The following PCDHGA7 variants were observed in gnomAD, a reference collection of about 807,000 sequenced individuals.
PCDHGA7 encodes protocadherin gamma-A7.
A neutral mutation model predicts 58.3 loss-of-function variants in PCDHGA7; 44 were observed. That is an observed-to-expected ratio of 0.75 (90% confidence interval 0.59 to 0.97). The LOEUF (loss-of-function observed/expected upper bound fraction) is 0.97, where lower values mean the gene tolerates loss of function less well. PCDHGA7 is among the 50% of genes least tolerant of loss of function. The pLI, the probability that PCDHGA7 is intolerant of heterozygous loss-of-function variation, is 0.00. For missense variants in PCDHGA7, 1,266 were observed against 1,188.7 expected (o/e 1.06, Z -0.96); for synonymous variants, 516 against 504.2 (o/e 1.02, Z -0.31).
intron 1 of PCDHGA7, chr5:141,393,454 C>A: frequency 1.2e-6 from 2 of 1,614,046 alleles, no homozygotes; most frequent in South Asian, 1.1e-5. Context: ...GTCCTCACGG[C>A]CTCGGATGGC....
chr5:141,484,096 G>A (rs539388257), intron 1 of PCDHGA7, among the ~76,000 whole-genome samples: 1 of 152,126 alleles, frequency 6.6e-6, no homozygotes, highest in South Asian at 2.1e-4. Flanking sequence ...GTCTTCGTTG[G>A]TAATTAACAA....
chr5:141,427,611 G>A (rs747386422), intron 1 of PCDHGA7: 22 of 691,570 alleles, frequency 3.2e-5, no homozygotes, highest in Non-Finnish European at 5.5e-5. Context: ...CATTGGTGAA[G>A]TCAACGACAA....
Position 141,490,192 on chromosome 5 carries a change from A to C in PCDHGA7, c.2425-4615A>C. 1 of 1,614,182 alleles carries C rather than the reference A, an allele frequency of 6.2e-7. No homozygotes were observed. Among genetic ancestry groups the C allele is most frequent in the South Asian group, 1.1e-5 (1 of 91,082 alleles). On this transcript the variant is annotated intron_variant, in intron 1 of 3. Coordinates refer to ENST00000518325, the MANE Select transcript of PCDHGA7 (RefSeq NM_018920.4). The surrounding 1 kb of genome is among the most constrained non-coding windows in gnomAD (Gnocchi z 5.4). Reference sequence around the variant, plus strand: ...CTTTGAGGAGTCACGTTTCTATGAAATTCATGCAAGAGCCCGTGACCAGGG... The same window carrying C: ...CTTTGAGGAGTCACGTTTCTATGAACTTCATGCAAGAGCCCGTGACCAGGG...
chr5:141,492,880 T>C (rs1204475362), intron 1 of PCDHGA7, among the ~76,000 whole-genome samples: 2 of 152,184 alleles, frequency 1.3e-5, no homozygotes, highest in African/African-American at 4.8e-5. Context: ...CCCCCAGAGA[T>C]ACAGGCTTTT....
rs543038539 is a variant in PCDHGA7 at position 141,415,850 on chromosome 5, C to A, written c.2424+30527C>A. 7.3e-6 allele frequency: 9 copies of A among 1,230,004 alleles called. No homozygotes were observed. In the East Asian group the frequency reaches 2.6e-4, roughly 35 times the overall value. The allele number at this position is 1,230,004 out of a possible 1,614,324, so 76.2% of individuals were successfully genotyped here. ...TTTGTTATGATTAGCTTTGCAGAAC[C>A]TTGTAGTTTATAGTGTTGTTGAGTA... On this transcript the variant is annotated intron_variant, in intron 1 of 3. Coordinates refer to ENST00000518325, the MANE Select transcript of PCDHGA7 (RefSeq NM_018920.4).
At chr5:141,410,847 G>GTATTT in intron 1 of PCDHGA7, 1 of 158,252 alleles carries the variant, frequency 6.3e-6, no homozygotes. Flanking sequence ...TTTTGTCTTT[G>GTATTT]TCTTTTTTTT....
intron 1 of PCDHGA7, chr5:141,409,314 C>G: frequency 1.9e-6 from 3 of 1,613,878 alleles, no homozygotes; most frequent in Non-Finnish European, 2.5e-6. Flanking sequence ...CTCTTCAAAA[C>G]ACGGGATCTG....
rs1038145479 is a variant in PCDHGA7 at position 141,408,047 on chromosome 5, A to G, written c.2424+22724A>G. The G allele has an allele frequency of 5.6e-6, 7 of 1,243,316 alleles. No individual in the cohort carries two copies. In the African/African-American group the frequency reaches 1.1e-4, roughly 19 times the overall value. The allele number at this position is 1,243,316 out of a possible 1,614,324, so 77.0% of individuals were successfully genotyped here. On this transcript the variant is annotated intron_variant, in intron 1 of 3. Coordinates refer to ENST00000518325, the MANE Select transcript of PCDHGA7 (RefSeq NM_018920.4). ...GAAAGAAGAAAACCAGCTCCCACAC[A>G]GAGCCTCCCGGCTGCGCAGACCTTT...
intron 1 of PCDHGA7, among the ~76,000 whole-genome samples, chr5:141,448,712 G>A (rs1439461223): frequency 1.3e-5 from 2 of 152,004 alleles, no homozygotes; most frequent in African/African-American, 2.4e-5. Flanking sequence ...AGGCCGAGGC[G>A]GGAGGATCAC....
chr5:141,425,426 A>T (rs1227154364), intron 1 of PCDHGA7, among the ~76,000 whole-genome samples: 1 of 152,236 alleles, frequency 6.6e-6, no homozygotes, highest in African/African-American at 2.4e-5. Flanking sequence ...AGTCCCATTA[A>T]ATAGAGGATA....
At chr5:141,385,719 G>A (rs970031267) in intron 1 of PCDHGA7, 6 of 232,964 alleles carry the variant, frequency 2.6e-5, no homozygotes, top group Non-Finnish European at 3.6e-5. Context: ...ATATGTAAAA[G>A]GTTCTGAAAG....
chr5:141,476,271 C>T lies in PCDHGA7; in HGVS notation c.2425-18536C>T. Reference sequence around the variant, plus strand: ...GGTTTCGCTGTGGGCAACGTGGTCGCGAACCTTGGTTTGGATCTCGGTAGC... The same window carrying T: ...GGTTTCGCTGTGGGCAACGTGGTCGTGAACCTTGGTTTGGATCTCGGTAGC... On this transcript the variant is annotated intron_variant, in intron 1 of 3. Coordinates refer to ENST00000518325, the MANE Select transcript of PCDHGA7 (RefSeq NM_018920.4). This position sits in a 1 kb window ranked among gnomAD's most constrained non-coding sequence, Gnocchi z 7.6. 4 of 1,613,892 alleles carry T rather than the reference C, an allele frequency of 2.5e-6. No homozygotes were observed. The highest frequency in any genetic ancestry group is 3.4e-6 in the Non-Finnish European group (4 of 1,179,974).
At position 141,487,507 on chromosome 5, in the gene PCDHGA7, A is replaced by C; in HGVS notation, c.2425-7300A>C. 6.2e-7 allele frequency: 1 copy of C among 1,614,138 alleles called. No individual in the cohort carries two copies. Among genetic ancestry groups the C allele is most frequent in the Non-Finnish European group, 8.5e-7 (1 of 1,180,028 alleles). On this transcript the variant is annotated intron_variant, in intron 1 of 3. Coordinates refer to ENST00000518325, the MANE Select transcript of PCDHGA7 (RefSeq NM_018920.4). This position sits in a 1 kb window ranked among gnomAD's most constrained non-coding sequence, Gnocchi z 5.0. ...ATGGCTGTACACCCTTGGCTTCTGC[A>C]CCCACTCGGAGTGATAGCTTCATGA...
At chr5:141,482,366 AT>A (rs1425349819) in intron 1 of PCDHGA7, among the ~76,000 whole-genome samples, 1 of 152,150 alleles carries the variant, frequency 6.6e-6, no homozygotes, top group Non-Finnish European at 1.5e-5. Flanking sequence ...GTGAAAAGTA[AT>A]GCATATAAAG....
At position 141,432,587 on chromosome 5, in the gene PCDHGA7, A is replaced by G. The variant is rs1344597432; in HGVS notation, c.2424+47264A>G. 5 of 1,613,132 alleles carry G rather than the reference A, an allele frequency of 3.1e-6. No homozygotes were observed. In the East Asian group the frequency reaches 8.9e-5, roughly 29 times the overall value. ...CGCCTGGCTGTCCTACCGTCTGCTC[A>G]AGGCCAGCGAGCCGGGACTCTTCTC... On this transcript the variant is annotated intron_variant, in intron 1 of 3. Transcript: ENST00000518325. This position sits in a 1 kb window ranked among gnomAD's most constrained non-coding sequence, Gnocchi z 6.0.
rs1370450155 is a variant in PCDHGA7, at chr5:141,431,480, G to T, written c.2424+46157G>T. On this transcript the variant is annotated intron_variant, in intron 1 of 3. Coordinates refer to ENST00000518325, the MANE Select transcript of PCDHGA7 (RefSeq NM_018920.4). This position sits in a 1 kb window ranked among gnomAD's most constrained non-coding sequence, Gnocchi z 4.8. Reference sequence around the variant, plus strand: ...TCTGGATGCGAACGACAACGCACCAGCGTTTGCTCAGCCCGAGTACCGCGC... The same window carrying T: ...TCTGGATGCGAACGACAACGCACCATCGTTTGCTCAGCCCGAGTACCGCGC... 3 of 1,613,924 alleles carry T rather than the reference G, an allele frequency of 1.9e-6. No individual in the cohort carries two copies. Among genetic ancestry groups the T allele is most frequent in the Non-Finnish European group, 2.5e-6 (3 of 1,179,990 alleles).
intron 1 of PCDHGA7, among the ~76,000 whole-genome samples, chr5:141,430,380 TG>T (rs1376875091): frequency 6.8e-6 from 1 of 147,890 alleles, no homozygotes; most frequent in Non-Finnish European, 1.5e-5. Flanking sequence ...AAAAGCTCAT[TG>T]GGAAAAAAAA....
In PCDHGA7 at chr5:141,489,621, T is replaced by C. The variant is rs765666746; in HGVS notation, c.2425-5186T>C. 29 of 1,613,978 alleles carry C rather than the reference T, an allele frequency of 1.8e-5. No individual in the cohort carries two copies. The highest frequency in any genetic ancestry group is 1.6e-4 in the Middle Eastern group (1 of 6,084). On this transcript the variant is annotated intron_variant, in intron 1 of 3. Transcript: ENST00000518325. The surrounding 1 kb of genome is among the most constrained non-coding windows in gnomAD (Gnocchi z 4.5). ...TAGAGGTAGAGATCCTGGATCTCAATGACAACTCTCCTAGCTTTGCCACCC... is the reference window on the plus strand; with the variant it reads ...TAGAGGTAGAGATCCTGGATCTCAACGACAACTCTCCTAGCTTTGCCACCC...
intron 1 of PCDHGA7, chr5:141,389,237 A>G (rs758770216): frequency 3.1e-6 from 5 of 1,612,662 alleles, no homozygotes; most frequent in Non-Finnish European, 4.2e-6. Flanking sequence ...CGGTTTTCTC[A>G]CAGTCTTCCT....
Sources: gnomAD v4.1 joint callset for allele counts (sites outside exome capture counted in the v4.1 genomes callset) on GRCh38, gnomAD v4.1.1 for gene constraint, Gnocchi (gnomAD v3.1) non-coding constraint, MANE v1.5 for transcripts, NCBI Gene and HGNC (gene_info 2026-07-23, HGNC 2026-07-21) for gene names.